TIAM2: variants seen among roughly 807,000 people sequenced by gnomAD.
The protein encoded by TIAM2 is rho guanine nucleotide exchange factor TIAM2.
In TIAM2, 80 loss-of-function variants were observed where a neutral mutation model predicts 152.9. That is an observed-to-expected ratio of 0.52 (90% CI 0.44 to 0.63). TIAM2 has a LOEUF of 0.63. TIAM2 is among the 30% of genes least tolerant of loss of function. TIAM2 has a pLI of 0.00. For missense variants in TIAM2, 1,965 were observed against 2,120.1 expected (o/e 0.93, Z 1.44); for synonymous variants, 804 against 838.0 (o/e 0.96, Z 0.70).
intron 2 of TIAM2, among the ~76,000 whole-genome samples, chr6:155,125,824 C>A (rs1779281944): frequency 6.7e-6 from 1 of 150,344 alleles, no homozygotes; most frequent in Non-Finnish European, 1.5e-5. Flanking sequence ...GACGACAGAG[C>A]AAGACTCTGT....
chr6:155,066,398 G>A (rs116873267), intron 1 of TIAM2, among the ~76,000 whole-genome samples: 290 of 152,312 alleles, frequency 1.9e-3, no homozygotes, highest in Non-Finnish European at 3.2e-3. Flanking sequence ...GTCCTGGAGC[G>A]TGGACAGACA....
intron 1 of TIAM2, among the ~76,000 whole-genome samples, chr6:155,076,076 CTGTGACCTGTCTCATGAGG>C (rs1370875916): frequency 6.6e-6 from 1 of 152,196 alleles, no homozygotes; most frequent in Non-Finnish European, 1.5e-5. Context: ...TGCATTTTGA[CTGTGACCTGTCTCATGAGG>C]TCAGGTGCAG....
At chr6:155,203,651 A>T (rs1414450548) in intron 14 of TIAM2, among the ~76,000 whole-genome samples, 1 of 152,242 alleles carries the variant, frequency 6.6e-6, no homozygotes, top group Admixed American at 6.5e-5. Flanking sequence ...TTAGAAAATT[A>T]TTCTTCTGTA....
chr6:155,177,614 G>C (rs1041768085), intron 10 of TIAM2, among the ~76,000 whole-genome samples: 2 of 152,192 alleles, frequency 1.3e-5, no homozygotes, highest in African/African-American at 2.4e-5. Flanking sequence ...AATCAACTAT[G>C]TTGAAATGGT....
rs773936588 is a variant in TIAM2, at chr6:155,129,611, T to G, written c.388T>G (p.Ser130Ala). 1.9e-6 allele frequency: 3 copies of G among 1,613,958 alleles called. No homozygotes were observed. The highest frequency in any genetic ancestry group is 2.5e-6 in the Non-Finnish European group (3 of 1,180,010). Residue 130 changes from serine (S) to alanine (A), a missense_variant, in exon 4 of 27, where the codon TCC becomes GCC. Coordinates refer to ENST00000682666, the MANE Select transcript of TIAM2 (RefSeq NM_012454.4). The surrounding 1 kb of genome is among the most constrained non-coding windows in gnomAD (Gnocchi z 4.8). ...CGAGCTGGCAGATAACCACATCACC[T>G]CCAGAGACTGCAACGGACACCTTCT... is the stretch of plus-strand genomic sequence containing the variant. ...GHELADNHIT[S>A]RDCNGHLLNC...
At chr6:155,001,779 T>C (rs150220148) in intron 1 of TIAM2, among the ~76,000 whole-genome samples, 1 of 152,378 alleles carries the variant, frequency 6.6e-6, no homozygotes, top group East Asian at 1.9e-4. Flanking sequence ...TTGGACATAG[T>C]TCTTCATGAG....
chr6:155,248,135 T>C lies in TIAM2; in HGVS notation c.3788T>C (p.Val1263Ala). 1 of 1,614,168 alleles carries C rather than the reference T, an allele frequency of 6.2e-7. No individual in the cohort carries two copies. Among genetic ancestry groups the C allele is most frequent in the Non-Finnish European group, 8.5e-7 (1 of 1,180,022 alleles). ...TACCCGCTGCTGCTCAAGGAGCTGG[T>C]GTCCCTGACGGACCAGGAGAGCGAG... ...LKYPLLLKELVSLTDQESEEH... is the reference protein window; with the variant it reads ...LKYPLLLKELASLTDQESEEH... The change falls in exon 20 of 27, where the codon GTG becomes GCG. Residue 1263 changes from valine (V) to alanine (A), a missense_variant. Around this residue, in one of 3 missense-constraint regions of TIAM2, gnomAD observed 935 missense variants for 980.0 expected, o/e 0.95. Coordinates refer to ENST00000682666, the MANE Select transcript of TIAM2 (RefSeq NM_012454.4).
chr6:155,195,403 G>A (rs911490573), intron 14 of TIAM2, among the ~76,000 whole-genome samples: 8 of 152,186 alleles, frequency 5.3e-5, no homozygotes, highest in Admixed American at 6.5e-5. Context: ...TGAGAAACCA[G>A]TGATCTCTGG....
At chr6:155,134,491 G>A (rs941123900) in intron 4 of TIAM2, among the ~76,000 whole-genome samples, 3 of 148,082 alleles carry the variant, frequency 2.0e-5, no homozygotes, top group Non-Finnish European at 4.5e-5. Flanking sequence ...TGTCAAGAGT[G>A]TGTGTAGGTC....
At position 155,257,093 on chromosome 6, in the gene TIAM2, A is replaced by G. The variant is rs975544723; in HGVS notation, c.5078A>G (p.Tyr1693Cys). Residue 1693 changes from tyrosine to cysteine, a missense_variant, in exon 27 of 27, where the codon TAT becomes TGT. This residue lies in a region of TIAM2 where 935 missense variants were observed against 980.0 expected (regional missense o/e 0.95). Transcript: ENST00000682666. ...LTSVVSEECF[Y>C]ETESHGKS ...TCTGTTGTCAGTGAGGAGTGTTTTT[A>G]TGAAACAGAGAGCCACGGAAAATCA... 1 of 1,612,466 alleles carries G rather than the reference A, an allele frequency of 6.2e-7. No individual in the cohort carries two copies.
At position 155,176,868 on chromosome 6, in the gene TIAM2, AC is replaced by A; in HGVS notation, c.2415del (p.Asp805GlufsTer20). 1 of 1,614,162 alleles carries A rather than the reference AC, an allele frequency of 6.2e-7. No individual in the cohort carries two copies. Among genetic ancestry groups the A allele is most frequent in the Non-Finnish European group, 8.5e-7 (1 of 1,179,996 alleles). On this transcript the variant is annotated frameshift_variant, in exon 10 of 27. Coordinates refer to ENST00000682666, the MANE Select transcript of TIAM2 (RefSeq NM_012454.4). LOFTEE classifies it high-confidence loss of function. ...TCAACAGTAGACGGTGTTCCCCGAGACAATGCATGGGAAATCCAGACTTATG... is the reference window on the plus strand; with the variant it reads ...TCAACAGTAGACGGTGTTCCCCGAGAAATGCATGGGAAATCCAGACTTATG... ...YGSTVDGVPR[D>X]NAWEIQTYVH...
At position 155,186,823 on chromosome 6, in the gene TIAM2, A is replaced by G. The variant is rs1239760436; in HGVS notation, c.3064+3323A>G. On this transcript the variant is annotated intron_variant, in intron 14 of 26. Transcript: ENST00000682666. This position sits in a 1 kb window ranked among gnomAD's most constrained non-coding sequence, Gnocchi z 4.5. Reference sequence around the variant, plus strand: ...TAAATGACTTTGAAAAACAGTTTTTAATACAACTTTGAATTATAACTTAGC... The same window carrying G: ...TAAATGACTTTGAAAAACAGTTTTTGATACAACTTTGAATTATAACTTAGC... 6.6e-6 allele frequency among the ~76,000 whole-genome samples: 1 copy of G among 152,222 alleles called. No individual in the cohort carries two copies. The highest frequency in any genetic ancestry group is 1.9e-4 in the East Asian group (1 of 5,196).
chr6:155,032,935 A>G (rs7747339), intron 1 of TIAM2, among the ~76,000 whole-genome samples: 8 of 152,046 alleles, frequency 5.3e-5, no homozygotes, highest in Admixed American at 4.6e-4. Context: ...TTCCCCCTGA[A>G]ATTTTCTGCC....
rs1438240942 is a variant in TIAM2 at position 155,174,656 on chromosome 6, A to G, written c.2362-2160A>G. 3.3e-5 allele frequency among the ~76,000 whole-genome samples: 5 copies of G among 152,238 alleles called. No homozygotes were observed. The highest frequency in any genetic ancestry group is 1.2e-4 in the African/African-American group (5 of 41,458). ...AGTGCTGGAATTACAGACGTGAGCCATGGCGCCCGGCCAAGTGATACAGTC... is the reference window on the plus strand; with the variant it reads ...AGTGCTGGAATTACAGACGTGAGCCGTGGCGCCCGGCCAAGTGATACAGTC... On this transcript the variant is annotated intron_variant, in intron 9 of 26. Coordinates refer to ENST00000682666, the MANE Select transcript of TIAM2 (RefSeq NM_012454.4). This position sits in a 1 kb window ranked among gnomAD's most constrained non-coding sequence, Gnocchi z 4.2.
At chr6:155,073,964 G>A (rs1401546038) in intron 1 of TIAM2, among the ~76,000 whole-genome samples, 1 of 152,188 alleles carries the variant, frequency 6.6e-6, no homozygotes, top group African/African-American at 2.4e-5. Flanking sequence ...TGGATGGGGA[G>A]AGAGACGTAA....
chr6:155,250,983 T>C lies in TIAM2; in HGVS notation c.4022T>C (p.Leu1341Pro). The part of the protein sequence containing the change: ...TVSWLNPFLS[L>P]GKARKDLELT... ...TCCTGGTTGAATCCATTTCTGTCTCTAGGAAAAGCTAGAAAGGACCTTGAG... is the reference window on the plus strand; with the variant it reads ...TCCTGGTTGAATCCATTTCTGTCTCCAGGAAAAGCTAGAAAGGACCTTGAG... The change falls in exon 22 of 27, where the codon CTA (leucine) becomes CCA (proline). Residue 1341 changes from leucine to proline, a missense_variant. This residue lies in a region of TIAM2 where 935 missense variants were observed against 980.0 expected (regional missense o/e 0.95). Transcript: ENST00000682666. The C allele has an allele frequency of 6.2e-7, 1 of 1,614,186 alleles. No homozygotes were observed.
intron 15 of TIAM2, among the ~76,000 whole-genome samples, chr6:155,236,638 G>C (rs2115294173): frequency 6.6e-6 from 1 of 152,298 alleles, no homozygotes; most frequent in Middle Eastern, 3.4e-3. Flanking sequence ...ACTCCAGCCT[G>C]GGTGACAGAG....
At chr6:155,191,491 C>T (rs1012946991) in intron 14 of TIAM2, among the ~76,000 whole-genome samples, 25 of 152,174 alleles carry the variant, frequency 1.6e-4, no homozygotes, top group African/African-American at 6.0e-4. Flanking sequence ...CTGGAGAATT[C>T]TAAATATTGG....
At chr6:155,116,047 G>A (rs1014462068) in intron 2 of TIAM2, among the ~76,000 whole-genome samples, 6 of 152,192 alleles carry the variant, frequency 3.9e-5, no homozygotes, top group African/African-American at 1.2e-4. Flanking sequence ...AGGTTGCAGT[G>A]AGCTGAGATC....
Sources: allele counts gnomAD v4.1 joint callset (sites outside exome capture counted in the v4.1 genomes callset), GRCh38; gene constraint gnomAD v4.1.1; regional missense constraint gnomAD v4.1.1; non-coding constraint Gnocchi (gnomAD v3.1); transcripts MANE v1.5; gene names NCBI Gene and HGNC (gene_info 2026-07-23, HGNC 2026-07-21).